SLC4A10: variants seen among roughly 807,000 people sequenced by gnomAD.
SLC4A10 encodes the protein sodium-driven chloride bicarbonate exchanger.
In SLC4A10, 42 loss-of-function variants were observed where a neutral mutation model predicts 137.7. That is an observed-to-expected ratio of 0.30 (90% CI 0.24 to 0.39). The LOEUF (loss-of-function observed/expected upper bound fraction) is 0.39. SLC4A10 is among the 10% of genes least tolerant of loss of function. The pLI, the probability that SLC4A10 is intolerant of heterozygous loss-of-function variation, is 1.00. For synonymous variants in SLC4A10, 474 were observed against 464.1 expected, an observed-to-expected ratio of 1.02 and a Z score of -0.27; for missense variants, 925 against 1,355.0, an observed-to-expected ratio of 0.68 and a Z score of 4.98.
chr2:161,930,904 T>C (rs1690232081), intron 15 of SLC4A10, among the ~76,000 whole-genome samples: 1 of 147,952 alleles, frequency 6.8e-6, no homozygotes, highest in African/African-American at 2.5e-5. Context: ...CTGCCACATG[T>C]TTTTGTTTTG....
intron 3 of SLC4A10, among the ~76,000 whole-genome samples, chr2:161,835,781 T>A (rs2058727876): frequency 6.6e-6 from 1 of 152,214 alleles, no homozygotes; most frequent in African/African-American, 2.4e-5. Flanking sequence ...CTGTACCTGA[T>A]CTAATGCCTC....
chr2:161,866,021 A>C (rs2060719225), intron 6 of SLC4A10, among the ~76,000 whole-genome samples: 1 of 152,022 alleles, frequency 6.6e-6, no homozygotes, highest in South Asian at 2.1e-4. Context: ...ATTTTTCCAG[A>C]AACTTTAAAA....
rs1278380278 is a variant in SLC4A10 at position 161,754,328 on chromosome 2, C to CT, written c.49-16640dup. ...TCCAAGTGGGAGGGTGAACATAACA[C>CT]TTTTTAAAATTGCAATAGAATTTTT... On this transcript the variant is annotated intron_variant, in intron 1 of 26. Transcript: ENST00000446997. Among the ~76,000 whole-genome samples, 3 of 152,192 alleles carry CT rather than the reference C, an allele frequency of 2.0e-5. No homozygotes were observed. In the East Asian group the frequency reaches 5.8e-4, roughly 29 times the overall value.
intron 13 of SLC4A10, 72 bp downstream of exon 13, chr2:161,904,250 A>G (rs1575563732): frequency 6.9e-7 from 1 of 1,455,596 alleles, no homozygotes. Context: ...ATAAGTGAGC[A>G]TTTAATTTTG....
At chr2:161,625,414 G>GAA (rs373576422) in intron 1 of SLC4A10, among the ~76,000 whole-genome samples, 1 of 145,958 alleles carries the variant, frequency 6.9e-6, no homozygotes, top group African/African-American at 2.5e-5. Context: ...AAGGAAAAAA[G>GAA]AAAAAAAAAA....
intron 3 of SLC4A10, among the ~76,000 whole-genome samples, chr2:161,826,210 C>A (rs906176043): frequency 6.6e-6 from 1 of 152,090 alleles, no homozygotes; most frequent in African/African-American, 2.4e-5. Context: ...TGGAACAGAA[C>A]TACCAAACTT....
chr2:161,624,534 C>G lies in SLC4A10; in HGVS notation c.16C>G (p.Gln6Glu), dbSNP rs2031860777. 1.3e-6 allele frequency: 2 copies of G among 1,553,906 alleles called. No homozygotes were observed. The highest frequency in any genetic ancestry group is 2.4e-5 in the East Asian group (1 of 41,038). Reference protein sequence around the residue: MEIKDQGAQMEPLLPT... With the variant: MEIKDEGAQMEPLLPT... The stretch of plus-strand genomic sequence containing the variant: ...GTTACAAAACATGGAGATTAAAGAC[C>G]AGGGAGCCCAAATGGAGCCGCTGCT... The change falls in exon 1 of 27, where the codon CAG becomes GAG. Residue 6 changes from glutamine (Q) to glutamate (E), a missense_variant. Gln to Glu is a conservative substitution (Grantham distance 29, BLOSUM62 2). Coordinates refer to ENST00000446997, the MANE Select transcript of SLC4A10 (RefSeq NM_001178015.2).
At chr2:161,796,193 C>T (rs1390953846) in intron 2 of SLC4A10, among the ~76,000 whole-genome samples, 1 of 152,172 alleles carries the variant, frequency 6.6e-6, no homozygotes, top group Admixed American at 6.5e-5. Context: ...TAAATTTTAG[C>T]ATTCAGCTAT....
chr2:161,828,808 A>ATATATATATATATGTG (rs1221709021), intron 3 of SLC4A10, among the ~76,000 whole-genome samples: 1 of 122,530 alleles, frequency 8.2e-6, no homozygotes, highest in Admixed American at 8.7e-5. Flanking sequence ...ATATATATAT[A>ATATATATATATATGTG]TGTATAATCT....
chr2:161,839,693 G>A (rs955598981), intron 3 of SLC4A10, 96 bp from the exon 4 acceptor site: 22 of 1,392,658 alleles, frequency 1.6e-5, no homozygotes, highest in Admixed American at 5.9e-5. Context: ...GGGGTGGTGC[G>A]AGCTTGGGGT....
At position 161,771,031 on chromosome 2, in the gene SLC4A10, A is replaced by G. The variant is rs1364498206; in HGVS notation, c.107A>G (p.His36Arg). 6.2e-7 allele frequency: 1 copy of G among 1,603,178 alleles called. No homozygotes were observed. ...GGAACTCGTTCTATTCTCAAAACAC[A>G]CTTTGAGAAAGAAGATTTAGAAGGT... ...RGGTRSILKT[H>R]FEKEDLEGHR... The change falls in exon 2 of 27, where the codon CAC (histidine) becomes CGC (arginine). Residue 36 changes from histidine (H) to arginine (R), a missense_variant. Coordinates refer to ENST00000446997, the MANE Select transcript of SLC4A10 (RefSeq NM_001178015.2).
chr2:161,833,427 G>A (rs911872330), intron 3 of SLC4A10, among the ~76,000 whole-genome samples: 5 of 152,208 alleles, frequency 3.3e-5, no homozygotes, highest in African/African-American at 1.2e-4. Flanking sequence ...TACAGCCCCA[G>A]ATTGGTTTCA....
chr2:161,781,782 A>T (rs1456333373), intron 2 of SLC4A10, among the ~76,000 whole-genome samples: 1 of 152,092 alleles, frequency 6.6e-6, no homozygotes. Context: ...TTTGTGGGAA[A>T]TCCAGCAACT....
At chr2:161,762,545 G>A (rs2050362891) in intron 1 of SLC4A10, among the ~76,000 whole-genome samples, 1 of 151,940 alleles carries the variant, frequency 6.6e-6, no homozygotes, top group Non-Finnish European at 1.5e-5. Context: ...GGTAAATAAT[G>A]GATGCATATG....
At chr2:161,891,147 T>A (rs569796721) in intron 10 of SLC4A10, among the ~76,000 whole-genome samples, 1 of 152,254 alleles carries the variant, frequency 6.6e-6, no homozygotes, top group Non-Finnish European at 1.5e-5. Flanking sequence ...GCATGTTGGG[T>A]TTCTGCAGAG....
chr2:161,940,295 G>T (rs555576036), intron 15 of SLC4A10, among the ~76,000 whole-genome samples: 1 of 152,086 alleles, frequency 6.6e-6, no homozygotes, highest in Admixed American at 6.6e-5. Context: ...GACCAACAGC[G>T]TTTCTTGTCT....
At chr2:161,901,839 G>A (rs936905627) in intron 12 of SLC4A10, among the ~76,000 whole-genome samples, 1 of 151,838 alleles carries the variant, frequency 6.6e-6, no homozygotes, top group Non-Finnish European at 1.5e-5. Context: ...AATTTGAGAT[G>A]GTTCAAACAA....
At chr2:161,698,991 T>C (rs574994007) in intron 1 of SLC4A10, among the ~76,000 whole-genome samples, 1 of 152,252 alleles carries the variant, frequency 6.6e-6, no homozygotes, top group African/African-American at 2.4e-5. Flanking sequence ...TCAGAGCCTG[T>C]TATTGGTCCA....
chr2:161,935,400 T>C (rs565532711), intron 15 of SLC4A10, among the ~76,000 whole-genome samples: 2 of 152,328 alleles, frequency 1.3e-5, no homozygotes, highest in Admixed American at 1.3e-4. Context: ...ATTGCTTTTT[T>C]CTATTTTTGT....
Sources: allele counts gnomAD v4.1 joint callset (sites outside exome capture counted in the v4.1 genomes callset), GRCh38; gene constraint gnomAD v4.1.1; transcripts MANE v1.5; gene names NCBI Gene and HGNC (gene_info 2026-07-23, HGNC 2026-07-21).